KDM2B: variants seen among roughly 807,000 people sequenced by gnomAD.
KDM2B encodes lysine demethylase 2B, also known as lysine-specific demethylase 2B.
A neutral mutation model predicts 150.0 loss-of-function variants in KDM2B; 26 were observed. That is an observed-to-expected ratio of 0.17 (90% confidence interval 0.13 to 0.24). The LOEUF is 0.24. Ranked by LOEUF, KDM2B falls within the 10% of genes least tolerant of loss-of-function variation. KDM2B has a pLI of 1.00. For synonymous variants in KDM2B, 734 were observed against 729.5 expected (o/e 1.01, Z -0.10); for missense variants, 1,265 against 1,816.9 (o/e 0.70, Z 5.52).
Position 121,430,194 on chromosome 12 carries a change from T to C in KDM2B, c.*94A>G. On this transcript the variant is annotated 3_prime_UTR_variant, in exon 23 of 23. Coordinates refer to ENST00000377071, the MANE Select transcript of KDM2B (RefSeq NM_032590.5). The surrounding 1 kb of genome is among the most constrained non-coding windows in gnomAD (Gnocchi z 4.4). The stretch of plus-strand genomic sequence containing the variant: ...AAAATGGAATTGCGTTGTGGTCTGT[T>C]GTCCCACGTTCCAAATGGAAAATAA... 3 of 1,614,216 alleles carry C rather than the reference T, an allele frequency of 1.9e-6. No individual in the cohort carries two copies. The highest frequency in any genetic ancestry group is 2.5e-6 in the Non-Finnish European group (3 of 1,180,042).
intron 1 of KDM2B, 107 bp downstream of exon 1, chr12:121,580,679 C>T (rs975634670): frequency 7.0e-7 from 1 of 1,433,282 alleles, no homozygotes; most frequent in African/African-American, 1.4e-5. Context: ...CGTGAAAGCC[C>T]CCGGGGCCTG....
rs536498039 is a variant in KDM2B, at chr12:121,472,817, C to A, written c.1735-19473G>T. ...AGGCTCAGCGAGGCAAATTGAATGA[C>A]ACAAGTGGGTTCACTTTATAAACCA... On this transcript the variant is annotated intron_variant, in intron 12 of 22. Coordinates refer to ENST00000377071, the MANE Select transcript of KDM2B (RefSeq NM_032590.5). 1.2e-4 allele frequency among the ~76,000 whole-genome samples: 18 copies of A among 152,256 alleles called. No individual in the cohort carries two copies. In the South Asian group the frequency reaches 3.1e-3, roughly 26 times the overall value.
intron 17 of KDM2B, chr12:121,443,233 T>G: frequency 1.6e-6 from 1 of 615,182 alleles, no homozygotes; most frequent in Non-Finnish European, 2.9e-6. Flanking sequence ...GAAGTAGGAG[T>G]ACAGTTGAAC....
the KDM2B span, chr12:121,418,748 T>TA: frequency 6.6e-6 from 1 of 151,916 alleles, no homozygotes; most frequent in Non-Finnish European, 1.5e-5. Context: ...GGAGGCAGAG[T>TA]CTCACTCTGT....
chr12:121,436,659 A>G (rs1264076843), intron 22 of KDM2B, among the ~76,000 whole-genome samples: 1 of 152,110 alleles, frequency 6.6e-6, no homozygotes, highest in Non-Finnish European at 1.5e-5. Flanking sequence ...AAGGGGAGGA[A>G]GTTAAGAAAG....
chr12:121,516,656 G>C, intron 9 of KDM2B: 3 of 706,830 alleles, frequency 4.2e-6, no homozygotes, highest in Non-Finnish European at 6.9e-6. Context: ...CAGCCTGCAG[G>C]TCATCCGTCT....
chr12:121,561,018 G>A (rs1555313766), intron 4 of KDM2B, among the ~76,000 whole-genome samples: 1 of 152,136 alleles, frequency 6.6e-6, no homozygotes, highest in Admixed American at 6.6e-5. Flanking sequence ...GGAGTTCCTA[G>A]GCAGGCCAGC....
At chr12:121,511,098 T>G (rs1193334737) in intron 10 of KDM2B, among the ~76,000 whole-genome samples, 3 of 150,676 alleles carry the variant, frequency 2.0e-5, no homozygotes, top group Non-Finnish European at 4.4e-5. Flanking sequence ...GCAACCTCCA[T>G]CTCCTGGGTT....
intron 22 of KDM2B, among the ~76,000 whole-genome samples, chr12:121,437,088 C>CA (rs1874131060): frequency 1.3e-5 from 2 of 152,008 alleles, no homozygotes; most frequent in South Asian, 4.1e-4. Context: ...TAGGCCAAGA[C>CA]AGAGACCAAA....
intron 12 of KDM2B, among the ~76,000 whole-genome samples, chr12:121,455,637 T>C (rs1878115260): frequency 6.6e-6 from 1 of 152,086 alleles, no homozygotes; most frequent in African/African-American, 2.4e-5. Flanking sequence ...CCCAGGAATT[T>C]GAGGTGGCAG....
At chr12:121,462,126 C>T (rs1879195517) in intron 12 of KDM2B, among the ~76,000 whole-genome samples, 1 of 152,250 alleles carries the variant, frequency 6.6e-6, no homozygotes, top group African/African-American at 2.4e-5. Context: ...CACAGGCCCC[C>T]CGATTTCTTT....
chr12:121,459,731 G>A (rs982899038), intron 12 of KDM2B, among the ~76,000 whole-genome samples: 11 of 152,040 alleles, frequency 7.2e-5, no homozygotes, highest in Non-Finnish European at 1.6e-4. Flanking sequence ...TCAGGAGGCT[G>A]AGGCAAGAGA....
At chr12:121,538,694 G>C (rs1351811404) in intron 6 of KDM2B, among the ~76,000 whole-genome samples, 3 of 152,136 alleles carry the variant, frequency 2.0e-5, no homozygotes, top group African/African-American at 7.2e-5. Flanking sequence ...GTCATTCCCA[G>C]GATTCTTCCT....
rs1888241201 is a variant in KDM2B at position 121,537,598 on chromosome 12, C to T, written c.684-3008G>A. 1 of 152,172 alleles carries T rather than the reference C, an allele frequency of 6.6e-6. No individual in the cohort carries two copies. The highest frequency in any genetic ancestry group is 6.5e-5 in the Admixed American group (1 of 15,284). The allele number at this position is 152,172 out of a possible 1,614,324, so 9.4% of individuals were successfully genotyped here. A position where few individuals can be genotyped will look rare whatever the true frequency, so the allele number is the denominator to read the frequency against. Reference sequence around the variant, plus strand: ...AGGGTTGCTGCACCTGCAGCACCAACTTTGGGGCGCTGCCTGGGGGCTGCG... The same window carrying T: ...AGGGTTGCTGCACCTGCAGCACCAATTTTGGGGCGCTGCCTGGGGGCTGCG... On this transcript the variant is annotated intron_variant, in intron 6 of 22. Transcript: ENST00000377071. This position sits in a 1 kb window ranked among gnomAD's most constrained non-coding sequence, Gnocchi z 8.7.
At chr12:121,444,416 C>G (rs782443271) in intron 15 of KDM2B, 34 bp downstream of exon 15, 2 of 1,612,984 alleles carry the variant, frequency 1.2e-6, no homozygotes, top group Non-Finnish European at 1.7e-6. Context: ...GCCCCTCTCC[C>G]GACTGACCCT....
intron 22 of KDM2B, 71 bp downstream of exon 22, chr12:121,439,786 T>C: frequency 2.5e-6 from 3 of 1,201,984 alleles, no homozygotes; most frequent in South Asian, 1.3e-5. Flanking sequence ...CACGAATCGT[T>C]TTCCACAAAT....
intron 4 of KDM2B, among the ~76,000 whole-genome samples, chr12:121,556,718 T>A (rs1224557496): frequency 6.6e-6 from 1 of 151,736 alleles, no homozygotes; most frequent in Non-Finnish European, 1.5e-5. Flanking sequence ...CAGGCCTGGT[T>A]ATGCGCACCT....
At chr12:121,495,362 T>C (rs1555300778) in intron 11 of KDM2B, among the ~76,000 whole-genome samples, 1 of 152,202 alleles carries the variant, frequency 6.6e-6, no homozygotes, top group African/African-American at 2.4e-5. Flanking sequence ...GATTTTGCCA[T>C]GTTGGCCAGG....
rs189192509 is a variant in KDM2B at position 121,573,167 on chromosome 12, C to G, written c.397+1380G>C. Among the ~76,000 whole-genome samples the G allele has an allele frequency of 2.4e-3, 366 of 150,432 alleles. 2 individuals are homozygous for G. The highest frequency in any genetic ancestry group is 8.4e-3 in the African/African-American group (342 of 40,852). On this transcript the variant is annotated intron_variant, in intron 4 of 22. Coordinates refer to ENST00000377071, the MANE Select transcript of KDM2B (RefSeq NM_032590.5). ...AGAGATGGGGTCTCACTATGTTGCC[C>G]AGGCTGGTCTCAAACTCCTGGCCTC...
Sources: allele counts gnomAD v4.1 joint callset (sites outside exome capture counted in the v4.1 genomes callset), GRCh38; gene constraint gnomAD v4.1.1; non-coding constraint Gnocchi (gnomAD v3.1); transcripts MANE v1.5; gene names NCBI Gene and HGNC (gene_info 2026-07-23, HGNC 2026-07-21).